The following ZNF688 variants were observed in gnomAD, a reference collection of about 807,000 sequenced individuals.
ZNF688 encodes the protein zinc finger protein 688.
In ZNF688, 10 loss-of-function variants were observed where a neutral mutation model predicts 13.2. The ratio of observed to expected loss-of-function variants is 0.76; its 90% confidence interval spans 0.47 to 1.28. The LOEUF is 1.28. Among genes scored for constraint, ZNF688 ranks in the 50% most tolerant of loss-of-function variants. ZNF688 has a pLI of 0.00. For missense variants in ZNF688, 381 were observed against 391.4 expected, an observed-to-expected ratio of 0.97 and a Z score of 0.22; for synonymous variants, 160 against 159.4, an observed-to-expected ratio of 1.00 and a Z score of -0.03.
chr16:30,578,328 G>A, the ZNF688 span: 1 of 152,204 alleles, frequency 6.6e-6, no homozygotes, highest in African/African-American at 2.4e-5. Flanking sequence ...GTGAGACCCT[G>A]TCTCAAGAAA....
chr16:30,571,851 T>A (rs2051692007), upstream of ZNF688: 2 of 1,287,496 alleles, frequency 1.6e-6, no homozygotes, highest in Non-Finnish European at 2.0e-6. Flanking sequence ...CATGGCCGCT[T>A]GGACATAGAC....
chr16:30,578,935 C>T, the ZNF688 span: 1 of 151,300 alleles, frequency 6.6e-6, no homozygotes, highest in Non-Finnish European at 1.5e-5. Flanking sequence ...TCCTTCTTCA[C>T]CCTCCCCCAC....
At chr16:30,574,931 C>T (rs2051732556), upstream of ZNF688, among the ~76,000 whole-genome samples, 1 of 152,190 alleles carries the variant, frequency 6.6e-6, no homozygotes, top group African/African-American at 2.4e-5. Flanking sequence ...ATCAACTTTT[C>T]TAGCTCCCAC....
chr16:30,570,023 C>A lies in ZNF688; in HGVS notation c.724G>T (p.Gly242Cys), dbSNP rs1427015075. The change falls in exon 3 of 3, where the codon GGC becomes TGC. Residue 242 changes from glycine (G) to cysteine (C), a missense_variant. By Grantham distance (159) the Gly-to-Cys change is radical. Coordinates refer to ENST00000223459, the MANE Select transcript of ZNF688 (RefSeq NM_145271.4). ...ACAGCCCGGATCCCAGGCCTCCGGC[C>A]CCGCCGCCCCCCGGAGCAGGAGCGG... ...IHRSCSGGRR[G>C]RRPGIRAVPR... The A allele has an allele frequency of 1.2e-6, 2 of 1,610,816 alleles. No individual in the cohort carries two copies. Among genetic ancestry groups the A allele is most frequent in the Non-Finnish European group, 1.7e-6 (2 of 1,179,262 alleles).
At chr16:30,572,453 C>T, upstream of ZNF688, 2 of 580,872 alleles carry the variant, frequency 3.4e-6, no homozygotes, top group Non-Finnish European at 2.6e-6. Context: ...TCCACCCAGC[C>T]CCTGGCATCC....
chr16:30,571,880 G>T, upstream of ZNF688: 5 of 1,278,996 alleles, frequency 3.9e-6, no homozygotes, highest in Non-Finnish European at 4.9e-6. Context: ...TAAGGGACCC[G>T]GAAGGTGCCT....
chr16:30,571,001 A>G lies in ZNF688; in HGVS notation c.310+9T>C. 1 of 1,613,726 alleles carries G rather than the reference A, an allele frequency of 6.2e-7. No individual in the cohort carries two copies. Among genetic ancestry groups the G allele is most frequent in the Non-Finnish European group, 8.5e-7 (1 of 1,179,856 alleles). On this transcript the variant is annotated intron_variant, in intron 2 of 2. Coordinates refer to ENST00000223459, the MANE Select transcript of ZNF688 (RefSeq NM_145271.4). ...AAACCAAGTGGGGGGACCCGGGACT[A>G]TCCCTCACCTCTCCGAGCTCCTCCC...
upstream of ZNF688, chr16:30,571,983 C>A (rs1330186011): frequency 3.6e-6 from 5 of 1,371,880 alleles, no homozygotes; most frequent in African/African-American, 4.5e-5. Context: ...TTTCTGACTT[C>A]TCTGGCCTCA....
At chr16:30,572,664 C>T (rs550525869), upstream of ZNF688, 102 of 161,852 alleles carry the variant, frequency 6.3e-4, no homozygotes, top group African/African-American at 2.2e-3. Flanking sequence ...CTCGACCTCC[C>T]GGGCTGAAGC....
chr16:30,575,160 C>T (rs1356800090), upstream of ZNF688, among the ~76,000 whole-genome samples: 7 of 152,046 alleles, frequency 4.6e-5, no homozygotes, highest in South Asian at 2.1e-4. Context: ...ACAGTAAACA[C>T]GGAGATGCAG....
At chr16:30,578,329 T>C in the ZNF688 span, 1 of 152,200 alleles carries the variant, frequency 6.6e-6, no homozygotes, top group South Asian at 2.1e-4. Context: ...TGAGACCCTG[T>C]CTCAAGAAAT....
upstream of ZNF688, chr16:30,571,844 GGCC>G (rs1372237010): frequency 2.3e-6 from 3 of 1,293,048 alleles, no homozygotes; most frequent in African/African-American, 4.6e-5. Flanking sequence ...TTCACTTCAT[GGCC>G]GCTTGGACAT....
upstream of ZNF688, chr16:30,572,368 G>T (rs889564211): frequency 3.0e-6 from 4 of 1,339,210 alleles, no homozygotes; most frequent in Admixed American, 6.2e-5. Context: ...TTGGGAAGAC[G>T]CGCACACCCT....
the ZNF688 span, chr16:30,578,316 T>C: frequency 6.6e-6 from 1 of 152,214 alleles, no homozygotes; most frequent in Admixed American, 6.5e-5. Context: ...GCCTAGGCTA[T>C]AGTGAGACCC....
At position 30,569,791 on chromosome 16, in the gene ZNF688, A is replaced by G; in HGVS notation, c.*125T>C. The G allele has an allele frequency of 8.3e-7, 1 of 1,200,386 alleles. No individual in the cohort carries two copies. Among genetic ancestry groups the G allele is most frequent in the Non-Finnish European group, 1.1e-6 (1 of 917,264 alleles). 74.4% of individuals were successfully genotyped at this position (1,200,386 alleles called of 1,614,324 possible). ...TTTCTTTTTACAAGTTGGAAACTTG[A>G]GGGATCCTTGAGGAAAGCCCAGGGC... On this transcript the variant is annotated 3_prime_UTR_variant, in exon 3 of 3. Coordinates refer to ENST00000223459, the MANE Select transcript of ZNF688 (RefSeq NM_145271.4).
Position 30,570,302 on chromosome 16 carries a change from C to G in ZNF688, c.445G>C (p.Ala149Pro), listed in dbSNP as rs2051653575. The change falls in exon 3 of 3, where the codon GCA becomes CCA. Residue 149 changes from alanine (A) to proline (P), a missense_variant. Coordinates refer to ENST00000223459, the MANE Select transcript of ZNF688 (RefSeq NM_145271.4). ...GCATTTTTGGGTGGCTGTGCCCGTGCCGGGGCCACGCTAATAGCTGGGTCA... is the reference window on the plus strand; with the variant it reads ...GCATTTTTGGGTGGCTGTGCCCGTGGCGGGGCCACGCTAATAGCTGGGTCA... Reference protein sequence around the residue: ...NPDPAISVAPARAQPPKNAAW... With the variant: ...NPDPAISVAPPRAQPPKNAAW... The G allele has an allele frequency of 1.2e-6, 2 of 1,613,934 alleles. No homozygotes were observed. Among genetic ancestry groups the G allele is most frequent in the Admixed American group, 1.7e-5 (1 of 59,990 alleles).
In ZNF688 at chr16:30,571,473, C is replaced by G; in HGVS notation, c.157G>C (p.Asp53His). 1 of 1,588,976 alleles carries G rather than the reference C, an allele frequency of 6.3e-7. No homozygotes were observed. Among genetic ancestry groups the G allele is most frequent in the East Asian group, 2.3e-5 (1 of 43,402 alleles). The change falls in exon 1 of 3, where the codon GAC becomes CAC. Residue 53 changes from aspartate to histidine, a missense_variant. Transcript: ENST00000223459. ...LRPAQRALYR[D>H]VMQETYGHLG... ...TGGCCGTAGGTCTCCTGCATCACGTCCCGGTACAGAGCCCTCTGCGCGGGC... is the reference window on the plus strand; with the variant it reads ...TGGCCGTAGGTCTCCTGCATCACGTGCCGGTACAGAGCCCTCTGCGCGGGC...
chr16:30,574,872 C>T (rs1313911045), upstream of ZNF688, among the ~76,000 whole-genome samples: 5 of 152,180 alleles, frequency 3.3e-5, no homozygotes, highest in Non-Finnish European at 7.3e-5. Context: ...CTCCCACCCA[C>T]GTACACCCTT....
At chr16:30,578,095 T>A in the ZNF688 span, among the ~76,000 whole-genome samples, 5 of 152,226 alleles carry the variant, frequency 3.3e-5, no homozygotes, top group East Asian at 9.7e-4. Flanking sequence ...TCCTACCACT[T>A]TGGGAGGCTC....
Sources: gnomAD v4.1 joint callset for allele counts (sites outside exome capture counted in the v4.1 genomes callset) on GRCh38, gnomAD v4.1.1 for gene constraint, MANE v1.5 for transcripts, NCBI Gene and HGNC (gene_info 2026-07-23, HGNC 2026-07-21) for gene names.